The following SNRPN variants were observed in gnomAD, a reference collection of about 807,000 sequenced individuals.
SNRPN encodes the protein small nuclear ribonucleoprotein-associated protein N.
A neutral mutation model predicts 25.2 loss-of-function variants in SNRPN; 7 were observed. The ratio of observed to expected loss-of-function variants is 0.28; its 90% CI spans 0.16 to 0.52. SNRPN has a LOEUF of 0.52. SNRPN is among the 20% of genes least tolerant of loss of function. The pLI is 0.96. For missense variants in SNRPN, 196 were observed against 322.5 expected, an observed-to-expected ratio of 0.61 and a Z score of 3.00; for synonymous variants, 124 against 110.6, an observed-to-expected ratio of 1.12 and a Z score of -0.76.
At chr15:24,862,228 G>A (rs1194134288) in intron 1 of SNRPN, among the ~76,000 whole-genome samples, 3 of 151,150 alleles carry the variant, frequency 2.0e-5, no homozygotes, top group Non-Finnish European at 4.4e-5. Context: ...CCATATTAAT[G>A]TAAGCGAATT....
At chr15:24,958,474 A>C (rs2074192004) in intron 1 of SNRPN, among the ~76,000 whole-genome samples, 1 of 115,084 alleles carries the variant, frequency 8.7e-6, no homozygotes, top group South Asian at 3.5e-4. Flanking sequence ...TCTGGATGCT[A>C]GCTGGCTCAA....
intron 1 of SNRPN, among the ~76,000 whole-genome samples, chr15:24,862,500 C>T (rs2087008588): frequency 6.6e-6 from 1 of 150,882 alleles, no homozygotes; most frequent in South Asian, 2.1e-4. Context: ...GGGAAGTAGG[C>T]AAGCATTTGG....
intron 2 of SNRPN, among the ~76,000 whole-genome samples, chr15:24,832,034 C>T (rs1051549083): frequency 6.6e-6 from 1 of 151,554 alleles, no homozygotes; most frequent in African/African-American, 2.4e-5. Context: ...ACTGCTCGAT[C>T]AAAGGGTAAT....
intron 1 of SNRPN, among the ~76,000 whole-genome samples, chr15:24,885,716 C>CTGTGTGTGTGTGTGTGTA (rs2057134570): frequency 7.1e-6 from 1 of 141,636 alleles, no homozygotes; most frequent in African/African-American, 2.6e-5. Context: ...GAATCTGGGG[C>CTGTGTGTGTGTGTGTGTA]TGTGTGTGTG....
In SNRPN at chr15:24,914,127, G is replaced by A. The variant is rs561242424; in HGVS notation, c.-504-5884G>A. ...GAGGGAGAGGGTACCTTTTGTCTTC[G>A]CAACTCTATATCTTGCTTTTCGGCC... On this transcript the variant is annotated intron_variant, in intron 2 of 11. Transcript: ENST00000400097. Among the ~76,000 whole-genome samples the A allele has an allele frequency of 3.3e-5, 5 of 152,144 alleles. No homozygotes were observed. The South Asian group carries it at 8.3e-4, about 25-fold the overall frequency.
At chr15:24,930,770 G>A (rs2060790487) in intron 3 of SNRPN, among the ~76,000 whole-genome samples, 1 of 151,888 alleles carries the variant, frequency 6.6e-6, no homozygotes, top group Admixed American at 6.6e-5. Context: ...ATGGTGGTGA[G>A]CATCTGTAAG....
intron 1 of SNRPN, among the ~76,000 whole-genome samples, chr15:24,885,957 A>G (rs1300385163): frequency 6.6e-6 from 1 of 152,194 alleles, no homozygotes; most frequent in Non-Finnish European, 1.5e-5. Context: ...TGGATCCAGC[A>G]TCCGTCTGGT....
At chr15:24,918,059 A>C (rs375165689) in intron 2 of SNRPN, among the ~76,000 whole-genome samples, 2 of 152,032 alleles carry the variant, frequency 1.3e-5, no homozygotes, top group African/African-American at 4.8e-5. Flanking sequence ...AAAATACTTT[A>C]AATATTTTTC....
intron 5 of SNRPN, 67 bp downstream of exon 5, chr15:24,975,576 G>A: frequency 1.5e-6 from 2 of 1,369,548 alleles, no homozygotes; most frequent in South Asian, 2.4e-5. Flanking sequence ...CAGAGCTGGA[G>A]TAAGGGATTT....
At chr15:24,905,508 CAA>C (rs11341629) in intron 2 of SNRPN, among the ~76,000 whole-genome samples, 13,496 of 122,202 alleles carry the variant, frequency 0.11, 713 homozygotes, top group East Asian at 0.34. Context: ...GACTCCATCT[CAA>C]AAAAAAAAAA....
chr15:24,973,703 A>G (rs1283242630), intron 3 of SNRPN, among the ~76,000 whole-genome samples: 1 of 152,156 alleles, frequency 6.6e-6, no homozygotes, highest in Non-Finnish European at 1.5e-5. Context: ...CCCGGCCGTT[A>G]ACGTGATTTA....
intron 2 of SNRPN, among the ~76,000 whole-genome samples, chr15:24,838,041 T>TTA (rs1555377372): frequency 7.0e-6 from 1 of 142,818 alleles, no homozygotes; most frequent in Middle Eastern, 3.9e-3. Flanking sequence ...ATTTATTTAT[T>TTA]TTTTTTTTTT....
chr15:24,924,601 G>C (rs1023780980), intron 3 of SNRPN, among the ~76,000 whole-genome samples: 1 of 151,778 alleles, frequency 6.6e-6, no homozygotes, highest in Non-Finnish European at 1.5e-5. Context: ...TCCCGCCTCA[G>C]TCTCTCAAGT....
At chr15:24,927,469 T>C (rs1391724830) in intron 3 of SNRPN, among the ~76,000 whole-genome samples, 1 of 16,790 alleles carries the variant, frequency 6.0e-5, no homozygotes, top group Non-Finnish European at 1.3e-4. Context: ...GCTTATAAAG[T>C]TTTTAAATTT....
At chr15:24,957,205 T>C (rs2063078174) in intron 1 of SNRPN, among the ~76,000 whole-genome samples, 1 of 152,198 alleles carries the variant, frequency 6.6e-6, no homozygotes, top group Non-Finnish European at 1.5e-5. Context: ...CTGCATACTT[T>C]CCTTAAATGG....
rs1431942883 is a variant in SNRPN, at chr15:24,870,932, G to A, written c.-579+14216G>A. On this transcript the variant is annotated intron_variant, in intron 1 of 11. Transcript: ENST00000400097. The stretch of plus-strand genomic sequence containing the variant: ...GTCTCACTCTGTCACCCAGCCTGGA[G>A]TGCAATGGTGTGTTCTTGGCTCACT... Among the ~76,000 whole-genome samples, 4 of 151,400 alleles carry A rather than the reference G, an allele frequency of 2.6e-5. 1 individual carries two copies. Among genetic ancestry groups the A allele is most frequent in the Non-Finnish European group, 4.4e-5 (3 of 67,866 alleles).
chr15:24,849,342 T>G (rs1366658453), intron 2 of SNRPN: 1 of 152,254 alleles, frequency 6.6e-6, no homozygotes, highest in East Asian at 1.9e-4. Flanking sequence ...TACAAAATTA[T>G]TTTACTAATC....
intron 3 of SNRPN, among the ~76,000 whole-genome samples, chr15:24,938,114 G>GTTTT (rs34512648): frequency 1.4e-5 from 2 of 140,014 alleles, no homozygotes; most frequent in Admixed American, 7.2e-5. Context: ...CTTCTAATTC[G>GTTTT]TTTTTTTTTT....
intron 2 of SNRPN, among the ~76,000 whole-genome samples, chr15:24,919,256 C>G (rs982357872): frequency 1.3e-5 from 2 of 151,358 alleles, no homozygotes; most frequent in South Asian, 4.2e-4. Flanking sequence ...GGTGAAACCC[C>G]GTCTCTACTA....
Sources: gnomAD v4.1 joint callset for allele counts (sites outside exome capture counted in the v4.1 genomes callset) on GRCh38, gnomAD v4.1.1 for gene constraint, MANE v1.5 for transcripts, NCBI Gene and HGNC (gene_info 2026-07-23, HGNC 2026-07-21) for gene names.